The following CPM variants were observed in gnomAD, a reference collection of about 807,000 sequenced individuals.
CPM encodes the protein renal carboxypeptidase.
Under a neutral mutation model 46.4 loss-of-function variants are expected in CPM, and 35 were observed. The ratio of observed to expected loss-of-function variants is 0.75; its 90% CI spans 0.58 to 1.00. The LOEUF is 1.00. CPM is among the 50% of genes least tolerant of loss of function. The pLI is 0.00. For missense variants in CPM, 422 were observed against 530.4 expected, an observed-to-expected ratio of 0.80 and a Z score of 2.01; for synonymous variants, 195 against 195.3, an observed-to-expected ratio of 1.00 and a Z score of 0.01.
In CPM at chr12:68,856,556, C is replaced by A; in HGVS notation, c.1213G>T (p.Val405Leu). 1 of 1,614,224 alleles carries A rather than the reference C, an allele frequency of 6.2e-7. No individual in the cohort carries two copies. Among genetic ancestry groups the A allele is most frequent in the East Asian group, 2.2e-5 (1 of 44,894 alleles). Reference sequence around the variant, plus strand: ...ATCATTGGGCATGAAGGATTTGATACTGGGATAGAATCCAATTGCCCTTGG... The same window carrying A: ...ATCATTGGGCATGAAGGATTTGATAATGGGATAGAATCCAATTGCCCTTGG... ...PFQGQLDSIP[V>L]SNPSCPMIPL... is the part of the protein sequence containing the mutation. Residue 405 changes from valine to leucine, a missense_variant, in exon 9 of 9, where the codon GTA becomes TTA. By Grantham distance (32) the Val-to-Leu change is conservative. Transcript: ENST00000551568.
At chr12:68,948,353 G>A (rs1423736738) in intron 1 of CPM, among the ~76,000 whole-genome samples, 1 of 152,108 alleles carries the variant, frequency 6.6e-6, no homozygotes, top group Non-Finnish European at 1.5e-5. Flanking sequence ...GAGGGGGTAG[G>A]CATTAGGGAA....
At chr12:68,875,404 C>T (rs1036768708) in intron 3 of CPM, among the ~76,000 whole-genome samples, 3 of 151,926 alleles carry the variant, frequency 2.0e-5, no homozygotes, top group African/African-American at 7.3e-5. Flanking sequence ...AATTACTTCA[C>T]ATTTCATAGT....
At chr12:68,944,857 G>T (rs1144964) in intron 1 of CPM, among the ~76,000 whole-genome samples, 4 of 151,712 alleles carry the variant, frequency 2.6e-5, no homozygotes, top group African/African-American at 9.7e-5. Context: ...CTAGGTAATG[G>T]GTACTGCTGA....
intron 5 of CPM, chr12:68,844,207 TA>T (rs1884066153): frequency 9.5e-6 from 2 of 209,686 alleles, no homozygotes; most frequent in Non-Finnish European, 1.9e-5. Flanking sequence ...TATTTGATCT[TA>T]AATTTTTATG....
intron 1 of CPM, among the ~76,000 whole-genome samples, chr12:68,953,616 C>T (rs1346631177): frequency 6.6e-6 from 1 of 152,188 alleles, no homozygotes; most frequent in East Asian, 1.9e-4. Context: ...TGCTATGTAA[C>T]AGTGGCAATC....
intron 1 of CPM, among the ~76,000 whole-genome samples, chr12:68,944,375 G>A (rs1208607746): frequency 1.3e-5 from 2 of 152,094 alleles, no homozygotes; most frequent in Non-Finnish European, 2.9e-5. Flanking sequence ...GAAAATTACA[G>A]GATATTATGA....
chr12:68,924,046 A>G (rs1888148521), intron 2 of CPM, among the ~76,000 whole-genome samples: 2 of 151,314 alleles, frequency 1.3e-5, no homozygotes, highest in Admixed American at 1.3e-4. Flanking sequence ...ACAGTGGCTC[A>G]TTCCTTTAAT....
intron 3 of CPM, among the ~76,000 whole-genome samples, chr12:68,872,851 G>A (rs1296445084): frequency 1.3e-5 from 2 of 151,620 alleles, no homozygotes; most frequent in East Asian, 1.9e-4. Context: ...TATATATTAA[G>A]TAAAAGCATG....
intron 4 of CPM, among the ~76,000 whole-genome samples, chr12:68,870,730 G>A (rs1323191290): frequency 3.9e-5 from 6 of 152,246 alleles, no homozygotes; most frequent in Admixed American, 2.6e-4. Context: ...AGTCCACGGA[G>A]AGTCCATGGC....
At chr12:68,884,149 T>TCAAGGGACCTC (rs1886330659) in intron 3 of CPM, among the ~76,000 whole-genome samples, 1 of 148,660 alleles carries the variant, frequency 6.7e-6, no homozygotes, top group Non-Finnish European at 1.5e-5. Context: ...TGAGGGACCT[T>TCAAGGGACCTC]GATCAAGGGA....
intron 3 of CPM, among the ~76,000 whole-genome samples, chr12:68,880,549 T>A (rs940026441): frequency 6.6e-6 from 1 of 152,154 alleles, no homozygotes; most frequent in African/African-American, 2.4e-5. Context: ...TAATTTGAGA[T>A]AGATCATAGA....
At chr12:68,914,011 A>G (rs1246067326) in intron 2 of CPM, 6 of 717,266 alleles carry the variant, frequency 8.4e-6, no homozygotes, top group Non-Finnish European at 1.6e-5. Context: ...AACCTCAAGG[A>G]CTGCGGCCTC....
chr12:68,909,032 T>C (rs1348616764), intron 2 of CPM, among the ~76,000 whole-genome samples: 1 of 152,208 alleles, frequency 6.6e-6, no homozygotes, highest in Non-Finnish European at 1.5e-5. Context: ...TGTGAAAACA[T>C]GTTCATTCTG....
At chr12:68,940,437 T>C (rs917929495) in intron 1 of CPM, among the ~76,000 whole-genome samples, 5 of 150,558 alleles carry the variant, frequency 3.3e-5, no homozygotes, top group Admixed American at 6.7e-5. Flanking sequence ...GCTCCACCTA[T>C]TCATCCCTCT....
chr12:68,922,897 A>G (rs1042616526), intron 2 of CPM, among the ~76,000 whole-genome samples: 15 of 152,092 alleles, frequency 9.9e-5, no homozygotes, highest in African/African-American at 3.4e-4. Context: ...AAATCACTAG[A>G]CAGAAGTGTT....
chr12:68,866,006 C>T (rs1205631108), intron 7 of CPM, among the ~76,000 whole-genome samples: 1 of 152,190 alleles, frequency 6.6e-6, no homozygotes, highest in Non-Finnish European at 1.5e-5. Context: ...CTCTCTGCCA[C>T]ATTTAGTCTG....
intron 3 of CPM, among the ~76,000 whole-genome samples, chr12:68,885,487 T>C (rs1160621004): frequency 6.6e-6 from 1 of 152,196 alleles, no homozygotes; most frequent in Non-Finnish European, 1.5e-5. Context: ...AGAAAGGAGA[T>C]GCAGGGATTG....
At chr12:68,865,787 C>G (rs1885415914) in intron 7 of CPM, among the ~76,000 whole-genome samples, 2 of 152,158 alleles carry the variant, frequency 1.3e-5, no homozygotes, top group African/African-American at 4.8e-5. Flanking sequence ...AGAGACACCA[C>G]CTGGTTAATA....
intron 2 of CPM, among the ~76,000 whole-genome samples, chr12:68,930,726 G>C (rs1888466035): frequency 6.6e-6 from 1 of 152,196 alleles, no homozygotes; most frequent in Non-Finnish European, 1.5e-5. Context: ...ACAAAATTAA[G>C]CCTGCTGACT....
Sources: allele counts gnomAD v4.1 joint callset (sites outside exome capture counted in the v4.1 genomes callset), GRCh38; gene constraint gnomAD v4.1.1; transcripts MANE v1.5; gene names NCBI Gene and HGNC (gene_info 2026-07-23, HGNC 2026-07-21).